The following EPHA6 variants were observed in gnomAD, a reference collection of about 807,000 sequenced individuals.
EPHA6 encodes the protein EPH receptor A6, also known as ephrin type-A receptor 6.
A neutral mutation model predicts 112.0 loss-of-function variants in EPHA6; 50 were observed. The ratio of observed to expected loss-of-function variants is 0.45; its 90% confidence interval spans 0.36 to 0.56. EPHA6 has a LOEUF of 0.56. Ranked by LOEUF, EPHA6 falls within the 20% of genes least tolerant of loss-of-function variation. The probability of loss-of-function intolerance (pLI) is 0.00; values close to 1 mark genes in which losing one functional copy is unlikely to be tolerated. For synonymous variants in EPHA6, 529 were observed against 490.7 expected (o/e 1.08, Z -1.03); for missense variants, 1,280 against 1,417.4 (o/e 0.90, Z 1.56).
chr3:97,572,842 T>C (rs2093347775), intron 11 of EPHA6: 1 of 152,138 alleles, frequency 6.6e-6, no homozygotes. Context: ...ATTGTTATAA[T>C]TTTTTCATTC....
In EPHA6 at chr3:97,162,838, G is replaced by GTGTT. The variant is rs2076448415; in HGVS notation, c.1115-63425_1115-63422dup. 2.0e-5 allele frequency among the ~76,000 whole-genome samples: 3 copies of GTGTT among 152,090 alleles called. No individual in the cohort carries two copies. In the South Asian group the frequency reaches 6.2e-4, roughly 32 times the overall value. On this transcript the variant is annotated intron_variant, in intron 3 of 17. Coordinates refer to ENST00000389672, the MANE Select transcript of EPHA6 (RefSeq NM_001080448.3). ...TTCTGTTCACTTGACTTGGAACTTA[G>GTGTT]TGTTAGATATCTATTTTACTTTTAG...
chr3:97,695,754 T>G (rs1040509678), intron 14 of EPHA6, among the ~76,000 whole-genome samples: 4 of 152,148 alleles, frequency 2.6e-5, no homozygotes, highest in Non-Finnish European at 5.9e-5. Flanking sequence ...TTGGCCAGGA[T>G]AGTCTCGATC....
At chr3:97,005,772 T>A (rs2043854488) in intron 3 of EPHA6, among the ~76,000 whole-genome samples, 1 of 152,204 alleles carries the variant, frequency 6.6e-6, no homozygotes, top group Admixed American at 6.5e-5. Context: ...ATAGCTCTTA[T>A]TATTTTGAGA....
intron 3 of EPHA6, among the ~76,000 whole-genome samples, chr3:97,083,618 T>A (rs565530636): frequency 2.6e-5 from 4 of 151,970 alleles, no homozygotes; most frequent in Non-Finnish European, 5.9e-5. Flanking sequence ...CTACTCCGAA[T>A]CTTGTTTCTT....
At chr3:97,259,010 T>C (rs982915952) in intron 5 of EPHA6, among the ~76,000 whole-genome samples, 1 of 152,218 alleles carries the variant, frequency 6.6e-6, no homozygotes, top group African/African-American at 2.4e-5. Context: ...CAGGTCCTGC[T>C]AGAGGCTCTA....
chr3:96,954,435 G>C (rs534591511), intron 2 of EPHA6, among the ~76,000 whole-genome samples: 1 of 152,222 alleles, frequency 6.6e-6, no homozygotes, highest in African/African-American at 2.4e-5. Flanking sequence ...GCCCCTTGCT[G>C]TTTATCATAT....
chr3:97,178,085 T>C (rs931958052), intron 3 of EPHA6, among the ~76,000 whole-genome samples: 44 of 152,066 alleles, frequency 2.9e-4, no homozygotes, highest in African/African-American at 1.1e-3. Flanking sequence ...GTGATATGAC[T>C]TAGTTTCCTG....
At chr3:97,467,921 T>C (rs1401133982) in intron 7 of EPHA6, among the ~76,000 whole-genome samples, 1 of 151,746 alleles carries the variant, frequency 6.6e-6, no homozygotes, top group African/African-American at 2.4e-5. Flanking sequence ...TATTTGCCTC[T>C]GCTTCTGCTT....
At chr3:96,962,532 A>G (rs1369867997) in intron 2 of EPHA6, among the ~76,000 whole-genome samples, 1 of 148,212 alleles carries the variant, frequency 6.7e-6, no homozygotes. Context: ...TAACTAGATA[A>G]CATTCTGAGC....
At chr3:97,290,330 A>C (rs921369179) in intron 5 of EPHA6, among the ~76,000 whole-genome samples, 1 of 152,074 alleles carries the variant, frequency 6.6e-6, no homozygotes, top group Non-Finnish European at 1.5e-5. Context: ...ATTTTTTTGA[A>C]TCTATTGACA....
At chr3:97,536,537 G>A (rs866119576) in intron 11 of EPHA6, among the ~76,000 whole-genome samples, 1 of 152,154 alleles carries the variant, frequency 6.6e-6, no homozygotes, top group Admixed American at 6.6e-5. Flanking sequence ...CCATGAGACA[G>A]TATTGAAGTT....
At chr3:97,510,096 T>C (rs560589705) in intron 10 of EPHA6, among the ~76,000 whole-genome samples, 1 of 152,326 alleles carries the variant, frequency 6.6e-6, no homozygotes, top group African/African-American at 2.4e-5. Context: ...TCTAACCTTT[T>C]CTCAAGGTTC....
chr3:96,918,227 A>G (rs1242890407), intron 2 of EPHA6, among the ~76,000 whole-genome samples: 1 of 152,128 alleles, frequency 6.6e-6, no homozygotes, highest in African/African-American at 2.4e-5. Context: ...CAGATGCTAG[A>G]GATTGAAGTA....
At chr3:97,365,395 A>G (rs1015863388) in intron 5 of EPHA6, among the ~76,000 whole-genome samples, 1 of 151,452 alleles carries the variant, frequency 6.6e-6, no homozygotes, top group Non-Finnish European at 1.5e-5. Context: ...AATCATAAAG[A>G]CTTTTTTTTT....
chr3:97,599,573 T>A (rs1011070423), intron 12 of EPHA6, among the ~76,000 whole-genome samples: 5 of 151,136 alleles, frequency 3.3e-5, no homozygotes, highest in African/African-American at 9.8e-5. Flanking sequence ...GATCAGACAG[T>A]TGTAGGTATG....
At chr3:97,631,980 T>C (rs1032248853) in intron 13 of EPHA6, among the ~76,000 whole-genome samples, 1 of 152,018 alleles carries the variant, frequency 6.6e-6, no homozygotes, top group Non-Finnish European at 1.5e-5. Context: ...GAAAGAAATA[T>C]AGCAGATATC....
At chr3:97,169,932 C>T (rs1387452398) in intron 3 of EPHA6, among the ~76,000 whole-genome samples, 2 of 151,908 alleles carry the variant, frequency 1.3e-5, no homozygotes, top group South Asian at 2.1e-4. Flanking sequence ...CATGGACACA[C>T]GGAGGGGAAC....
At chr3:97,286,927 T>G (rs562058545) in intron 5 of EPHA6, among the ~76,000 whole-genome samples, 1 of 152,224 alleles carries the variant, frequency 6.6e-6, no homozygotes, top group East Asian at 1.9e-4. Context: ...GTCAGTGTTT[T>G]GTAGTTTTCC....
At chr3:97,101,205 G>C (rs1214853738) in intron 3 of EPHA6, among the ~76,000 whole-genome samples, 1 of 151,938 alleles carries the variant, frequency 6.6e-6, no homozygotes, top group Non-Finnish European at 1.5e-5. Context: ...CCAATACTCA[G>C]AAATAAAAAT....
Sources: gnomAD v4.1 joint callset for allele counts (sites outside exome capture counted in the v4.1 genomes callset) on GRCh38, gnomAD v4.1.1 for gene constraint, MANE v1.5 for transcripts, NCBI Gene and HGNC (gene_info 2026-07-23, HGNC 2026-07-21) for gene names.